Variants in ADGRB1 observed in about 807,000 individuals in gnomAD.
ADGRB1 encodes adhesion G protein-coupled receptor B1, also known as brain-specific angiogenesis inhibitor 1.
Under a neutral mutation model 175.7 loss-of-function variants are expected in ADGRB1, and 36 were observed. The ratio of observed to expected loss-of-function variants is 0.20; its 90% CI spans 0.16 to 0.27. The LOEUF (loss-of-function observed/expected upper bound fraction) is 0.27, where lower values mean the gene tolerates loss of function less well. Among genes scored for constraint, ADGRB1 ranks in the 10% least tolerant of loss-of-function variants. The pLI is 1.00. For synonymous variants in ADGRB1, 1,054 were observed against 979.4 expected (o/e 1.08, Z -1.42); for missense variants, 1,731 against 2,255.3 (o/e 0.77, Z 4.71).
intron 17 of ADGRB1, among the ~76,000 whole-genome samples, chr8:142,508,937 C>T (rs1293365127): frequency 6.6e-6 from 1 of 152,224 alleles, no homozygotes. Flanking sequence ...AACCTCAGGC[C>T]GGCTCCCGGG....
intron 24 of ADGRB1, among the ~76,000 whole-genome samples, chr8:142,528,303 C>CACA (rs1844343157): frequency 6.6e-6 from 1 of 152,176 alleles, no homozygotes; most frequent in African/African-American, 2.4e-5. Context: ...CTCAGCTGAG[C>CACA]GCAGGGACCC....
At chr8:142,477,045 G>A (rs950318395) in intron 4 of ADGRB1, 69 bp from the exon 5 acceptor site, 21 of 1,431,446 alleles carry the variant, frequency 1.5e-5, no homozygotes, top group South Asian at 1.5e-5. Flanking sequence ...CTCCTGCTGC[G>A]GGGTCTGGCC....
intron 15 of ADGRB1, 28 bp from the exon 16 acceptor site, chr8:142,489,308 C>T (rs1841869609): frequency 6.2e-7 from 1 of 1,611,322 alleles, no homozygotes; most frequent in Non-Finnish European, 8.5e-7. Flanking sequence ...GAGGGCTCCC[C>T]CGACACCTGT....
chr8:142,480,600 G>A (rs1417373990), intron 9 of ADGRB1, among the ~76,000 whole-genome samples: 1 of 152,256 alleles, frequency 6.6e-6, no homozygotes, highest in African/African-American at 2.4e-5. Context: ...TGGTCTGCAT[G>A]CGTGGCAGGG....
rs374003039 is a variant in ADGRB1 at position 142,543,790 on chromosome 8, T to TCATC, written c.4557+106_4557+109dup. On this transcript the variant is annotated intron_variant, in intron 30 of 30. Transcript: ENST00000517894. This position sits in a 1 kb window ranked among gnomAD's most constrained non-coding sequence, Gnocchi z 4.4. Reference sequence around the variant, plus strand: ...CCCTTCTTCCCTGGATTTGTGCACTTCATCCATCCATCCATCCATCCATCC... The same window carrying TCATC: ...CCCTTCTTCCCTGGATTTGTGCACTTCATCCATCCATCCATCCATCCATCCATCC... 222 of 1,248,324 alleles carry TCATC rather than the reference T, an allele frequency of 1.8e-4. 2 individuals carry two copies. In the East Asian group the frequency reaches 2.7e-3, roughly 15 times the overall value. 77.3% of individuals were successfully genotyped at this position (1,248,324 alleles called of 1,614,324 possible). A position where few individuals can be genotyped will look rare whatever the true frequency, so the allele number is the denominator to read the frequency against.
chr8:142,517,020 CT>C (rs1192776065), intron 18 of ADGRB1, among the ~76,000 whole-genome samples: 2 of 152,158 alleles, frequency 1.3e-5, no homozygotes, highest in African/African-American at 4.8e-5. Context: ...GGCCCAGGCC[CT>C]TTTGAGGAGA....
chr8:142,489,321 C>T lies in ADGRB1; in HGVS notation c.2529-15C>T, dbSNP rs771840435. 10 of 1,612,434 alleles carry T rather than the reference C, an allele frequency of 6.2e-6. No individual in the cohort carries two copies. The highest frequency in any genetic ancestry group is 8.5e-6 in the Non-Finnish European group (10 of 1,179,548). On this transcript the variant is annotated splice_polypyrimidine_tract_variant and intron_variant, in intron 15 of 30. Transcript: ENST00000517894. ...GGGAGGGCTCCCCCGACACCTGTGCCTCTGGCTCTTGCAGGAACACGACCG... is the reference window on the plus strand; with the variant it reads ...GGGAGGGCTCCCCCGACACCTGTGCTTCTGGCTCTTGCAGGAACACGACCG...
At chr8:142,509,525 T>A (rs1471109885) in intron 17 of ADGRB1, among the ~76,000 whole-genome samples, 1 of 152,138 alleles carries the variant, frequency 6.6e-6, no homozygotes, top group African/African-American at 2.4e-5. Context: ...GCAGGTCCCT[T>A]CTGACTCCTA....
At chr8:142,458,212 G>A (rs571369162) in intron 1 of ADGRB1, among the ~76,000 whole-genome samples, 1 of 152,304 alleles carries the variant, frequency 6.6e-6, no homozygotes, top group East Asian at 1.9e-4. Flanking sequence ...CGAGCCTCAT[G>A]GAGGAGCCCC....
chr8:142,455,389 C>T lies in ADGRB1; in HGVS notation c.-220+5285C>T, dbSNP rs1010759325. Among the ~76,000 whole-genome samples, 2 of 152,068 alleles carry T rather than the reference C, an allele frequency of 1.3e-5. No individual in the cohort carries two copies. The highest frequency in any genetic ancestry group is 2.4e-5 in the African/African-American group (1 of 41,410). ...TCCTGCTTGTGGCGTTCTGTTCTCT[C>T]GGGCATCCCTCTCTGGGGCTTGGTC... is the stretch of plus-strand genomic sequence containing the variant. On this transcript the variant is annotated intron_variant, in intron 1 of 30. Coordinates refer to ENST00000517894, the MANE Select transcript of ADGRB1 (RefSeq NM_001702.3). The surrounding 1 kb of genome is among the most constrained non-coding windows in gnomAD (Gnocchi z 4.9).
chr8:142,530,604 G>T (rs1359759636), intron 24 of ADGRB1, among the ~76,000 whole-genome samples: 1 of 152,206 alleles, frequency 6.6e-6, no homozygotes, highest in Non-Finnish European at 1.5e-5. Flanking sequence ...AGCCTGGGTG[G>T]GAGGAGCAAG....
At chr8:142,476,459 C>G (rs1250784782) in intron 3 of ADGRB1, 126 bp from the exon 4 acceptor site, 1 of 813,252 alleles carries the variant, frequency 1.2e-6, no homozygotes, top group Non-Finnish European at 2.0e-6. Context: ...GCACTCTGGT[C>G]CCTGGCTCCC....
At chr8:142,463,624 GGGCA>G (rs1188117755) in intron 1 of ADGRB1, among the ~76,000 whole-genome samples, 6 of 152,270 alleles carry the variant, frequency 3.9e-5, no homozygotes, top group Non-Finnish European at 8.8e-5. Context: ...GTGAGCGAGT[GGGCA>G]GGCAGGCCAG....
Position 142,542,187 on chromosome 8 carries a change from CCTT to C in ADGRB1, c.3955_3957del (p.Phe1319del), listed in dbSNP as rs767586196. 13 of 1,613,602 alleles carry C rather than the reference CCTT, an allele frequency of 8.1e-6. No individual in the cohort carries two copies. Among genetic ancestry groups the C allele is most frequent in the African/African-American group, 4.0e-5 (3 of 74,926 alleles). ...AAGAGGGACAAGGCGCCCAAGTCCT[CCTT>C]CGTCGGTGACGGGGACATCTTCAAG... is the stretch of plus-strand genomic sequence containing the variant. On this transcript the variant is annotated inframe_deletion, in exon 28 of 31. Transcript: ENST00000517894. The surrounding 1 kb of genome is among the most constrained non-coding windows in gnomAD (Gnocchi z 6.3).
intron 24 of ADGRB1, among the ~76,000 whole-genome samples, chr8:142,528,812 T>C (rs1203623007): frequency 1.3e-5 from 2 of 152,176 alleles, no homozygotes; most frequent in African/African-American, 2.4e-5. Flanking sequence ...AGCTCCTCCT[T>C]CCATCCTCCC....
intron 1 of ADGRB1, among the ~76,000 whole-genome samples, chr8:142,462,786 C>T (rs537838987): frequency 6.6e-6 from 1 of 152,370 alleles, no homozygotes; most frequent in East Asian, 1.9e-4. Context: ...GGCTCAACTG[C>T]TGGGTGGGAT....
chr8:142,475,528 G>A lies in ADGRB1; in HGVS notation c.839G>A (p.Gly280Asp). The stretch of plus-strand genomic sequence containing the variant: ...GAATGCACGCGGGACTGCGGGGGAG[G>A]CCTCCAGACGCGGACGCGCACCTGC... The part of the protein sequence containing the change: ...WGECTRDCGG[G>D]LQTRTRTCLP... The change falls in exon 3 of 31, where the codon GGC (glycine) becomes GAC (aspartate). Residue 280 changes from glycine (G) to aspartate (D), a missense_variant. By Grantham distance (94) the Gly-to-Asp change is moderately conservative. Coordinates refer to ENST00000517894, the MANE Select transcript of ADGRB1 (RefSeq NM_001702.3). 1 of 1,292,350 alleles carries A rather than the reference G, an allele frequency of 7.7e-7. No homozygotes were observed. Among genetic ancestry groups the A allele is most frequent in the Non-Finnish European group, 9.8e-7 (1 of 1,019,340 alleles). The allele number at this position is 1,292,350 out of a possible 1,614,324, so 80.1% of individuals were successfully genotyped here. A position where few individuals can be genotyped will look rare whatever the true frequency, so the allele number is the denominator to read the frequency against.
intron 4 of ADGRB1, 115 bp from the exon 5 acceptor site, chr8:142,476,999 C>A: frequency 7.3e-7 from 1 of 1,367,352 alleles, no homozygotes; most frequent in Non-Finnish European, 9.6e-7. Flanking sequence ...GGGGGCTCTG[C>A]CCCAGCCCCG....
chr8:142,541,406 G>A (rs1055544849), intron 27 of ADGRB1, among the ~76,000 whole-genome samples: 1 of 152,122 alleles, frequency 6.6e-6, no homozygotes, highest in Non-Finnish European at 1.5e-5. Context: ...GGCAGAGCAG[G>A]GAGGCTTGCA....
Sources: gnomAD v4.1 joint callset for allele counts (sites outside exome capture counted in the v4.1 genomes callset) on GRCh38, gnomAD v4.1.1 for gene constraint, Gnocchi (gnomAD v3.1) non-coding constraint, MANE v1.5 for transcripts, NCBI Gene and HGNC (gene_info 2026-07-23, HGNC 2026-07-21) for gene names.